ADGRL3: variants seen among roughly 807,000 people sequenced by gnomAD.
ADGRL3 encodes the protein calcium-independent alpha-latrotoxin receptor 3.
In ADGRL3, 62 loss-of-function variants were observed where a neutral mutation model predicts 153.5. The ratio of observed to expected loss-of-function variants is 0.40; its 90% CI spans 0.33 to 0.50. ADGRL3 has a LOEUF of 0.50. ADGRL3 is among the 20% of genes least tolerant of loss of function. ADGRL3 has a pLI of 0.47. For synonymous variants in ADGRL3, 710 were observed against 672.5 expected (o/e 1.06, Z -0.86); for missense variants, 1,641 against 1,859.4 (o/e 0.88, Z 2.16).
intron 3 of ADGRL3, among the ~76,000 whole-genome samples, chr4:61,499,003 C>G (rs2098353436): frequency 6.6e-6 from 1 of 152,096 alleles, no homozygotes; most frequent in African/African-American, 2.4e-5. Flanking sequence ...CTGCTTAGGT[C>G]TCAGAATATT....
chr4:61,678,915 T>G (rs1246471112), intron 6 of ADGRL3, among the ~76,000 whole-genome samples: 1 of 151,994 alleles, frequency 6.6e-6, no homozygotes, highest in African/African-American at 2.4e-5. Context: ...AAAGTATAAA[T>G]CATAAAATAA....
At chr4:61,832,806 C>G (rs1465829509) in intron 9 of ADGRL3, among the ~76,000 whole-genome samples, 1 of 139,040 alleles carries the variant, frequency 7.2e-6, no homozygotes, top group Non-Finnish European at 1.5e-5. Flanking sequence ...TCTCTGTTTT[C>G]TTTTTCTTTT....
At chr4:61,327,862 T>C (rs1444612675) in intron 1 of ADGRL3, among the ~76,000 whole-genome samples, 1 of 152,104 alleles carries the variant, frequency 6.6e-6, no homozygotes, top group Non-Finnish European at 1.5e-5. Context: ...TCCATGATGA[T>C]GTTCAGTAGT....
Position 61,498,842 on chromosome 4 carries a change from G to A in ADGRL3, c.55+1494G>A, listed in dbSNP as rs554199883. ...TCTCTCTCAAACCTGGTAAATTAAA[G>A]TCTATATGTATGTTCCTCTTACACA... On this transcript the variant is annotated intron_variant, in intron 3 of 26. Coordinates refer to ENST00000683033, the MANE Select transcript of ADGRL3 (RefSeq NM_001387552.1). Among the ~76,000 whole-genome samples the A allele has an allele frequency of 9.0e-4, 137 of 152,000 alleles. 1 individual carries two copies. The highest frequency in any genetic ancestry group is 2.6e-3 in the Admixed American group (40 of 15,250).
chr4:61,651,695 C>A (rs919771319), intron 5 of ADGRL3, among the ~76,000 whole-genome samples: 28 of 151,722 alleles, frequency 1.8e-4, no homozygotes, highest in African/African-American at 6.3e-4. Context: ...GCAACCCCCG[C>A]CTCCTGTGTT....
Position 61,738,360 on chromosome 4 carries a change from C to T in ADGRL3, c.1399+4806C>T, listed in dbSNP as rs112731063. ...AGCTAGTTCCATACTTTTGCAACTG[C>T]GAATTGTGCTGCTGTAAACATACGT... On this transcript the variant is annotated intron_variant, in intron 8 of 26. Transcript: ENST00000683033. Among the ~76,000 whole-genome samples, 10 of 152,188 alleles carry T rather than the reference C, an allele frequency of 6.6e-5. 1 individual carries two copies. The highest frequency in any genetic ancestry group is 2.2e-4 in the African/African-American group (9 of 41,524).
chr4:61,367,393 C>G (rs1164963892), intron 1 of ADGRL3, among the ~76,000 whole-genome samples: 2 of 151,826 alleles, frequency 1.3e-5, no homozygotes, highest in African/African-American at 2.4e-5. Flanking sequence ...CCCACTCCCC[C>G]CACCCCACAA....
chr4:61,741,711 T>C (rs1338117307), intron 8 of ADGRL3, among the ~76,000 whole-genome samples: 5 of 152,216 alleles, frequency 3.3e-5, no homozygotes, highest in African/African-American at 1.2e-4. Flanking sequence ...AGTAAAAGAA[T>C]CACAGTCCTG....
intron 5 of ADGRL3, among the ~76,000 whole-genome samples, chr4:61,588,592 T>G (rs2098956409): frequency 6.6e-6 from 1 of 152,026 alleles, no homozygotes; most frequent in Non-Finnish European, 1.5e-5. Flanking sequence ...ATTACTAAAA[T>G]GATGGCTCAT....
chr4:62,007,674 A>C (rs2099166679), intron 21 of ADGRL3, among the ~76,000 whole-genome samples: 1 of 151,404 alleles, frequency 6.6e-6, no homozygotes, highest in African/African-American at 2.4e-5. Flanking sequence ...GTGGGGCCTC[A>C]TGCACAGGTA....
chr4:61,511,929 A>T (rs945202208), intron 3 of ADGRL3, among the ~76,000 whole-genome samples: 1 of 152,234 alleles, frequency 6.6e-6, no homozygotes, highest in Non-Finnish European at 1.5e-5. Context: ...TAAAGAAATT[A>T]TGCAGCTATC....
intron 13 of ADGRL3, among the ~76,000 whole-genome samples, chr4:61,916,721 G>A (rs1046699147): frequency 1.3e-5 from 2 of 152,130 alleles, no homozygotes; most frequent in Non-Finnish European, 2.9e-5. Flanking sequence ...GGAAGGCCAA[G>A]GTGGGCAGAT....
At chr4:61,455,816 T>A (rs2097728341) in intron 2 of ADGRL3, among the ~76,000 whole-genome samples, 1 of 151,980 alleles carries the variant, frequency 6.6e-6, no homozygotes, top group Non-Finnish European at 1.5e-5. Context: ...TACATTATTT[T>A]ATTTATTTAT....
chr4:61,285,833 A>G (rs971098987), intron 1 of ADGRL3, among the ~76,000 whole-genome samples: 5 of 151,804 alleles, frequency 3.3e-5, no homozygotes, highest in African/African-American at 1.2e-4. Flanking sequence ...TTTAAAAAGG[A>G]ATCACTTGCT....
intron 4 of ADGRL3, among the ~76,000 whole-genome samples, chr4:61,556,204 G>A (rs1317159365): frequency 6.6e-6 from 1 of 152,166 alleles, no homozygotes; most frequent in African/African-American, 2.4e-5. Context: ...GAAAAACAAG[G>A]TGGGGAAGAA....
chr4:61,871,017 G>T (rs76262622), intron 9 of ADGRL3, among the ~76,000 whole-genome samples: 29,971 of 152,026 alleles, frequency 0.2, 3,663 homozygotes, highest in East Asian at 0.4. Flanking sequence ...GGTGGCTCAT[G>T]CCTGTAATCC....
At chr4:61,246,548 A>G (rs1441968165) in intron 1 of ADGRL3, among the ~76,000 whole-genome samples, 1 of 151,894 alleles carries the variant, frequency 6.6e-6, no homozygotes, top group Admixed American at 6.6e-5. Flanking sequence ...TTAGGTTGAA[A>G]CTTAGCAATA....
intron 8 of ADGRL3, among the ~76,000 whole-genome samples, chr4:61,768,485 A>G (rs569083116): frequency 1.1e-4 from 16 of 152,024 alleles, no homozygotes; most frequent in Non-Finnish European, 2.1e-4. Flanking sequence ...GAAGGAACTG[A>G]TGTGTAAAAG....
chr4:61,805,679 T>A (rs939879216), intron 8 of ADGRL3, among the ~76,000 whole-genome samples: 4 of 152,208 alleles, frequency 2.6e-5, no homozygotes, highest in Admixed American at 2.6e-4. Context: ...AAGTTTTTCA[T>A]ATTATAGTTT....
Sources: gnomAD v4.1 joint callset for allele counts (sites outside exome capture counted in the v4.1 genomes callset) on GRCh38, gnomAD v4.1.1 for gene constraint, MANE v1.5 for transcripts, NCBI Gene and HGNC (gene_info 2026-07-23, HGNC 2026-07-21) for gene names.